The following NAV3 variants were observed in gnomAD, a reference collection of about 807,000 sequenced individuals.
NAV3 encodes pore membrane and/or filament interacting like protein 1.
In NAV3, 87 loss-of-function variants were observed where a neutral mutation model predicts 244.7. That is an observed-to-expected ratio of 0.36 (90% CI 0.30 to 0.42). NAV3 has a LOEUF of 0.42. Among genes scored for constraint, NAV3 ranks in the 20% least tolerant of loss-of-function variants. NAV3 has a pLI of 1.00. For synonymous variants in NAV3, 1,126 were observed against 1,042.2 expected (o/e 1.08, Z -1.55); for missense variants, 2,663 against 2,893.3 (o/e 0.92, Z 1.83).
intron 2 of NAV3, among the ~76,000 whole-genome samples, chr12:77,671,428 G>T (rs1873968028): frequency 6.6e-6 from 1 of 151,988 alleles, no homozygotes. Flanking sequence ...AAATTCATAT[G>T]GAACCTAAAA....
At chr12:78,132,174 T>C (rs1416015244) in intron 18 of NAV3, among the ~76,000 whole-genome samples, 7 of 152,132 alleles carry the variant, frequency 4.6e-5, no homozygotes, top group Non-Finnish European at 1.0e-4. Flanking sequence ...GTAGCACACT[T>C]GGGAATGTAT....
intron 12 of NAV3, among the ~76,000 whole-genome samples, chr12:78,106,575 T>C (rs998352695): frequency 6.6e-6 from 1 of 152,144 alleles, no homozygotes; most frequent in Non-Finnish European, 1.5e-5. Context: ...ATAATTCAAA[T>C]GGAAATGCAA....
At chr12:77,629,406 G>A (rs999979666) in intron 2 of NAV3, among the ~76,000 whole-genome samples, 16 of 152,144 alleles carry the variant, frequency 1.1e-4, no homozygotes, top group African/African-American at 3.6e-4. Flanking sequence ...CCTTTCATTT[G>A]ACATTTTTAA....
intron 2 of NAV3, among the ~76,000 whole-genome samples, chr12:77,723,151 A>T (rs780858497): frequency 5.3e-5 from 8 of 152,020 alleles, no homozygotes; most frequent in African/African-American, 1.9e-4. Context: ...AAGAGAGCAC[A>T]TGCTCTCTCC....
chr12:78,148,760 G>A (rs1956961302), intron 21 of NAV3, 82 bp from the exon 22 acceptor site: 2 of 1,227,672 alleles, frequency 1.6e-6, no homozygotes, highest in Non-Finnish European at 2.3e-6. Context: ...GCTAAATACA[G>A]CATTTGCTTT....
intron 12 of NAV3, among the ~76,000 whole-genome samples, chr12:78,097,630 A>G (rs1954322887): frequency 2.0e-5 from 3 of 152,224 alleles, no homozygotes; most frequent in East Asian, 3.9e-4. Flanking sequence ...GCAAAAATCA[A>G]TTTCTTCATG....
chr12:77,702,383 T>G (rs1227186096), intron 2 of NAV3, among the ~76,000 whole-genome samples: 8 of 152,110 alleles, frequency 5.3e-5, no homozygotes, highest in Middle Eastern at 3.4e-3. Flanking sequence ...TAGTTGGGTG[T>G]TGTTCTTTAT....
At chr12:77,906,162 T>TGAGAGAATAA (rs1175440458) in intron 1 of NAV3, among the ~76,000 whole-genome samples, 10 of 152,204 alleles carry the variant, frequency 6.6e-5, no homozygotes, top group Admixed American at 2.0e-4. Context: ...CCAATTTCTG[T>TGAGAGAATAA]ACAATGAGAG....
At chr12:77,848,967 G>A (rs1215552546) in intron 1 of NAV3, among the ~76,000 whole-genome samples, 1 of 152,116 alleles carries the variant, frequency 6.6e-6, no homozygotes, top group East Asian at 1.9e-4. Flanking sequence ...AAAGTTTATA[G>A]TTCATAGCTT....
intron 2 of NAV3, among the ~76,000 whole-genome samples, chr12:77,636,303 A>G (rs939008072): frequency 1.3e-5 from 2 of 151,904 alleles, no homozygotes; most frequent in East Asian, 1.9e-4. Flanking sequence ...TGGCTCTACC[A>G]AAAATACAAA....
At chr12:77,979,998 A>G (rs534340801) in intron 5 of NAV3, among the ~76,000 whole-genome samples, 8 of 152,286 alleles carry the variant, frequency 5.3e-5, no homozygotes, top group African/African-American at 1.9e-4. Flanking sequence ...AAATGTAACT[A>G]TGTGTGGGAA....
chr12:77,948,298 G>A (rs1312362525), intron 3 of NAV3, among the ~76,000 whole-genome samples: 1 of 151,924 alleles, frequency 6.6e-6, no homozygotes, highest in Non-Finnish European at 1.5e-5. Context: ...ACTTGTTTGT[G>A]TAATTAATAT....
intron 1 of NAV3, among the ~76,000 whole-genome samples, chr12:77,881,678 C>G (rs1292977085): frequency 6.6e-6 from 1 of 152,010 alleles, no homozygotes; most frequent in Non-Finnish European, 1.5e-5. Flanking sequence ...CTAGAAAACC[C>G]TAAGACTCTT....
At chr12:77,883,382 A>G (rs1420174924) in intron 1 of NAV3, among the ~76,000 whole-genome samples, 1 of 152,078 alleles carries the variant, frequency 6.6e-6, no homozygotes, top group East Asian at 1.9e-4. Flanking sequence ...ACTGAGAGCT[A>G]AACGTTGAGC....
At chr12:77,803,591 T>C (rs1871825123) in intron 2 of NAV3, among the ~76,000 whole-genome samples, 1 of 152,210 alleles carries the variant, frequency 6.6e-6, no homozygotes, top group Admixed American at 6.5e-5. Flanking sequence ...TAAACATATG[T>C]GTGCCTGTGT....
At chr12:78,179,155 A>C (rs1055510637) in intron 28 of NAV3, among the ~76,000 whole-genome samples, 2 of 152,130 alleles carry the variant, frequency 1.3e-5, no homozygotes, top group African/African-American at 4.8e-5. Context: ...CTTATAAAAG[A>C]ATAGTCACAT....
Position 78,118,086 on chromosome 12 carries a change from A to G in NAV3, c.2829A>G (p.Glu943=). 1 of 1,614,124 alleles carries G rather than the reference A, an allele frequency of 6.2e-7. No individual in the cohort carries two copies. Among genetic ancestry groups the G allele is most frequent in the Non-Finnish European group, 8.5e-7 (1 of 1,180,014 alleles). Residue 943 remains glutamate, a synonymous_variant, in exon 14 of 40, where the codon GAA becomes GAG. Coordinates refer to ENST00000397909, the MANE Select transcript of NAV3 (RefSeq NM_001024383.2). ...TTDETWDSPE[E]LKKPEEDFDS... Reference sequence around the variant, plus strand: ...ACGAGACCTGGGATAGTCCTGAGGAACTGAAAAAACCAGAAGAAGATTTTG... The same window carrying G: ...ACGAGACCTGGGATAGTCCTGAGGAGCTGAAAAAACCAGAAGAAGATTTTG...
chr12:78,144,034 T>C (rs1956749009), intron 20 of NAV3, among the ~76,000 whole-genome samples: 1 of 152,228 alleles, frequency 6.6e-6, no homozygotes, highest in African/African-American at 2.4e-5. Flanking sequence ...ACTATTTAAA[T>C]ACTTCAAGTC....
intron 22 of NAV3, among the ~76,000 whole-genome samples, chr12:78,151,627 G>T (rs993271685): frequency 2.6e-5 from 4 of 151,892 alleles, no homozygotes; most frequent in Non-Finnish European, 5.9e-5. Flanking sequence ...AAGGGCTAAG[G>T]ATGAAGGAGA....
Sources: allele counts gnomAD v4.1 joint callset (sites outside exome capture counted in the v4.1 genomes callset), GRCh38; gene constraint gnomAD v4.1.1; transcripts MANE v1.5; gene names NCBI Gene and HGNC (gene_info 2026-07-23, HGNC 2026-07-21).